MARK2: variants seen among roughly 807,000 people sequenced by gnomAD.
MARK2 encodes the protein serine/threonine-protein kinase MARK2.
A neutral mutation model predicts 89.8 loss-of-function variants in MARK2; 16 were observed. The ratio of observed to expected loss-of-function variants is 0.18; its 90% CI spans 0.12 to 0.27. The LOEUF (loss-of-function observed/expected upper bound fraction) is 0.27, where lower values mean the gene tolerates loss of function less well. Among genes scored for constraint, MARK2 ranks in the 10% least tolerant of loss-of-function variants. The pLI is 1.00. For missense variants in MARK2, 621 were observed against 1,049.9 expected (o/e 0.59, Z 5.65); for synonymous variants, 382 against 399.5 (o/e 0.96, Z 0.52).
chr11:63,892,115 TG>T (rs1006059858), intron 1 of MARK2, among the ~76,000 whole-genome samples: 16 of 152,240 alleles, frequency 1.1e-4, no homozygotes, highest in African/African-American at 3.6e-4. Flanking sequence ...CAATAAGAGC[TG>T]GGGGGCTTCA....
At chr11:63,843,844 C>T (rs1376278016) in intron 1 of MARK2, among the ~76,000 whole-genome samples, 5 of 151,958 alleles carry the variant, frequency 3.3e-5, no homozygotes, top group Non-Finnish European at 5.9e-5. Flanking sequence ...AAGCTGGTCT[C>T]GATCTCCTGA....
intron 3 of MARK2, among the ~76,000 whole-genome samples, chr11:63,896,905 C>T (rs193224208): frequency 2.6e-4 from 39 of 152,292 alleles, no homozygotes; most frequent in African/African-American, 8.2e-4. Flanking sequence ...CATCTTATTC[C>T]TGACCTTGTT....
intron 1 of MARK2, among the ~76,000 whole-genome samples, chr11:63,850,419 G>A (rs1056691917): frequency 6.9e-6 from 1 of 145,340 alleles, no homozygotes; most frequent in Non-Finnish European, 1.5e-5. Context: ...TGCCCACCTC[G>A]GCCTCCCAAA....
intron 4 of MARK2, 96 bp downstream of exon 4, chr11:63,898,376 T>A (rs532392571): frequency 8.3e-7 from 1 of 1,203,772 alleles, no homozygotes; most frequent in African/African-American, 1.5e-5. Context: ...CCTTCTGGAG[T>A]CTGCAGTCTT....
rs750776811 is a variant in MARK2, at chr11:63,900,124, C to A, written c.768+14C>A. ...CAGAACCTCAAGGTGGAGTGAAGTG[C>A]AAGCTTTTTATTGCTTCTCATTTCC... On this transcript the variant is annotated intron_variant, in intron 8 of 18. Coordinates refer to ENST00000402010, the MANE Select transcript of MARK2 (RefSeq NM_001039469.3). The surrounding 1 kb of genome is among the most constrained non-coding windows in gnomAD (Gnocchi z 4.7). The A allele has an allele frequency of 6.3e-7, 1 of 1,578,500 alleles. No homozygotes were observed. Among genetic ancestry groups the A allele is most frequent in the South Asian group, 1.1e-5 (1 of 90,382 alleles).
At chr11:63,854,812 CAAA>C (rs56392948) in intron 1 of MARK2, among the ~76,000 whole-genome samples, 10 of 117,180 alleles carry the variant, frequency 8.5e-5, no homozygotes, top group Admixed American at 1.6e-4. Flanking sequence ...GACACCATCC[CAAA>C]AAAAAAAAAA....
Position 63,904,981 on chromosome 11 carries a change from C to T in MARK2, c.1872C>T (p.Ser624=). Residue 624 remains serine (S), a synonymous_variant, in exon 16 of 19, where the codon AGC becomes AGT. Transcript: ENST00000402010. The surrounding 1 kb of genome is among the most constrained non-coding windows in gnomAD (Gnocchi z 6.3). ...CCCCAGCCTCTCCCTCTGGCCACAG[C>T]CAGGGCCGGCGGGGGGCCTCTGGGA... ...GVTPASPSGH[S]QGRRGASGSI... is the part of the protein sequence containing the mutation. 3.1e-6 allele frequency: 5 copies of T among 1,614,212 alleles called. No individual in the cohort carries two copies. Among genetic ancestry groups the T allele is most frequent in the Non-Finnish European group, 4.2e-6 (5 of 1,180,030 alleles).
At chr11:63,885,844 A>AT (rs1433609991) in intron 1 of MARK2, among the ~76,000 whole-genome samples, 5 of 149,796 alleles carry the variant, frequency 3.3e-5, no homozygotes, top group Non-Finnish European at 1.5e-5. Flanking sequence ...AAAAAAAAAA[A>AT]GAGGCCGGGT....
At chr11:63,851,989 A>T (rs1470386612) in intron 1 of MARK2, among the ~76,000 whole-genome samples, 4 of 152,182 alleles carry the variant, frequency 2.6e-5, no homozygotes, top group Non-Finnish European at 5.9e-5. Context: ...TTTGGTTCTA[A>T]TTGTGATCTA....
Position 63,902,089 on chromosome 11 carries a change from C to A in MARK2, c.1102-109C>A. 8.2e-7 allele frequency: 1 copy of A among 1,215,086 alleles called. No homozygotes were observed. The allele number at this position is 1,215,086 out of a possible 1,614,324, so 75.3% of individuals were successfully genotyped here. On this transcript the variant is annotated intron_variant, in intron 11 of 18. Coordinates refer to ENST00000402010, the MANE Select transcript of MARK2 (RefSeq NM_001039469.3). The surrounding 1 kb of genome is among the most constrained non-coding windows in gnomAD (Gnocchi z 4.2). The stretch of plus-strand genomic sequence containing the variant: ...CTTACAAGTGGATGTCCGGTATGAT[C>A]CTGGGGTGTTTGAGTGTTGGGAGAG...
chr11:63,850,878 G>A (rs531068832), intron 1 of MARK2, among the ~76,000 whole-genome samples: 1 of 152,104 alleles, frequency 6.6e-6, no homozygotes, highest in East Asian at 1.9e-4. Context: ...TGCCCAGGCT[G>A]GTCTTGAATA....
chr11:63,875,635 C>T (rs1381157376), intron 1 of MARK2, among the ~76,000 whole-genome samples: 1 of 152,202 alleles, frequency 6.6e-6, no homozygotes, highest in Non-Finnish European at 1.5e-5. Context: ...GGGCCCAGGA[C>T]ATGCAGCTGT....
intron 1 of MARK2, among the ~76,000 whole-genome samples, chr11:63,889,318 A>T (rs1939639269): frequency 6.6e-6 from 1 of 151,942 alleles, no homozygotes; most frequent in South Asian, 2.1e-4. Context: ...TTCTCCCCCA[A>T]CTCTATAGTG....
chr11:63,901,048 C>G lies in MARK2; in HGVS notation c.1080C>G (p.Leu360=). ...ACGAGGTGATGGCCACCTATCTGCT[C>G]CTGGGCTACAAGAGCTCCGAGGTGT... ...RYNEVMATYL[L]LGYKSSELEG... The change falls in exon 11 of 19, where the codon CTC becomes CTG. Residue 360 remains leucine, a synonymous_variant. Transcript: ENST00000402010. 4 of 1,613,716 alleles carry G rather than the reference C, an allele frequency of 2.5e-6. No homozygotes were observed. Among genetic ancestry groups the G allele is most frequent in the Non-Finnish European group, 3.4e-6 (4 of 1,179,616 alleles).
intron 1 of MARK2, among the ~76,000 whole-genome samples, chr11:63,858,715 G>A (rs1487526576): frequency 1.6e-4 from 24 of 152,184 alleles, no homozygotes; most frequent in Admixed American, 2.6e-4. Flanking sequence ...GCCATTTGAC[G>A]TCATCAGTAA....
intron 1 of MARK2, among the ~76,000 whole-genome samples, chr11:63,868,010 G>A (rs7123788): frequency 0.035 from 5,308 of 152,216 alleles, 311 homozygotes; most frequent in African/African-American, 0.12. Flanking sequence ...ATCCTTCTCT[G>A]TATCACTTCG....
At chr11:63,885,492 T>C (rs1939337929) in intron 1 of MARK2, among the ~76,000 whole-genome samples, 1 of 151,784 alleles carries the variant, frequency 6.6e-6, no homozygotes, top group African/African-American at 2.4e-5. Context: ...TGAGCCAAGA[T>C]CGTGCTGCTG....
chr11:63,891,776 A>T (rs774495029), intron 1 of MARK2, among the ~76,000 whole-genome samples: 1 of 152,208 alleles, frequency 6.6e-6, no homozygotes, highest in Non-Finnish European at 1.5e-5. Context: ...CGTTAGGCAG[A>T]TGGGTAGGGT....
rs368072061 is a variant in MARK2 at position 63,883,665 on chromosome 11, A to G, written c.55-11494A>G. ...TGTGATCACGGCTCACTGCAGCCTC[A>G]GCCTACCTCCCTGGGCTCAGGTGAT... On this transcript the variant is annotated intron_variant, in intron 1 of 18. Transcript: ENST00000402010. Among the ~76,000 whole-genome samples the G allele has an allele frequency of 4.6e-5, 7 of 151,514 alleles. No individual in the cohort carries two copies. The East Asian group carries it at 1.4e-3, about 29-fold the overall frequency.
Sources: gnomAD v4.1 joint callset for allele counts (sites outside exome capture counted in the v4.1 genomes callset) on GRCh38, gnomAD v4.1.1 for gene constraint, Gnocchi (gnomAD v3.1) non-coding constraint, MANE v1.5 for transcripts, NCBI Gene and HGNC (gene_info 2026-07-23, HGNC 2026-07-21) for gene names.